Variants in ANK3 observed in about 807,000 individuals in gnomAD.
ANK3 encodes ankyrin-3.
In ANK3, 57 loss-of-function variants were observed where a neutral mutation model predicts 370.9. That is an observed-to-expected ratio of 0.15 (90% confidence interval 0.12 to 0.19). The LOEUF (loss-of-function observed/expected upper bound fraction) is 0.19, where lower values mean the gene tolerates loss of function less well. Ranked by LOEUF, ANK3 falls within the 10% of genes least tolerant of loss-of-function variation. ANK3 has a pLI of 1.00. For missense variants in ANK3, 4,439 were observed against 5,302.1 expected, an observed-to-expected ratio of 0.84 and a Z score of 5.06; for synonymous variants, 1,929 against 1,946.3, an observed-to-expected ratio of 0.99 and a Z score of 0.23.
At chr10:60,497,073 A>G (rs955794722) in intron 2 of ANK3, among the ~76,000 whole-genome samples, 4 of 152,174 alleles carry the variant, frequency 2.6e-5, no homozygotes, top group African/African-American at 9.7e-5. Flanking sequence ...AGGCTGAGAT[A>G]GGAGGGTCAC....
chr10:60,190,836 A>C (rs1254047210), intron 16 of ANK3, among the ~76,000 whole-genome samples: 1 of 152,230 alleles, frequency 6.6e-6, no homozygotes, highest in East Asian at 1.9e-4. Context: ...TTTAAATTAT[A>C]CTACAAGGCT....
At chr10:60,316,763 AT>A (rs1263502825) in intron 1 of ANK3, among the ~76,000 whole-genome samples, 1 of 150,030 alleles carries the variant, frequency 6.7e-6, no homozygotes, top group East Asian at 1.9e-4. Context: ...ATTTTTTTTT[AT>A]TGAGATGGAG....
At chr10:60,178,141 T>C (rs1041078846) in intron 18 of ANK3, among the ~76,000 whole-genome samples, 1 of 152,210 alleles carries the variant, frequency 6.6e-6, no homozygotes, top group Non-Finnish European at 1.5e-5. Flanking sequence ...CAGCTTAGCC[T>C]GGTACATTAA....
At chr10:60,305,682 G>T (rs549110638) in intron 1 of ANK3, among the ~76,000 whole-genome samples, 1 of 152,116 alleles carries the variant, frequency 6.6e-6, no homozygotes, top group Admixed American at 6.5e-5. Context: ...ACAATTATAC[G>T]AAATAAGAAG....
chr10:60,242,261 A>G (rs560734487), intron 7 of ANK3, among the ~76,000 whole-genome samples: 33 of 152,324 alleles, frequency 2.2e-4, no homozygotes, highest in African/African-American at 7.2e-4. Flanking sequence ...GAACAAACTA[A>G]GATCACTTAT....
chr10:60,091,527 G>A (rs1329816574), intron 28 of ANK3, among the ~76,000 whole-genome samples: 1 of 151,002 alleles, frequency 6.6e-6, no homozygotes, highest in African/African-American at 2.4e-5. Context: ...TGTGACCAGG[G>A]AGGGTGGGGG....
intron 7 of ANK3, among the ~76,000 whole-genome samples, chr10:60,239,214 A>G (rs1205016531): frequency 2.6e-5 from 4 of 152,204 alleles, no homozygotes; most frequent in African/African-American, 4.8e-5. Context: ...GACAGAAGAC[A>G]TACTTGAAGA....
chr10:60,061,731 G>C (rs1249588377), intron 40 of ANK3, among the ~76,000 whole-genome samples: 1 of 147,668 alleles, frequency 6.8e-6, no homozygotes, highest in Non-Finnish European at 1.5e-5. Context: ...ATCTTTTGTT[G>C]ACTTAAACTT....
intron 1 of ANK3, among the ~76,000 whole-genome samples, chr10:60,332,967 G>T (rs1484603504): frequency 6.6e-6 from 1 of 152,142 alleles, no homozygotes; most frequent in East Asian, 1.9e-4. Flanking sequence ...AGGCTAATTA[G>T]CAGGGTCTAT....
chr10:60,549,458 C>T (rs2077042432), intron 2 of ANK3, among the ~76,000 whole-genome samples: 2 of 152,080 alleles, frequency 1.3e-5, no homozygotes, highest in East Asian at 1.9e-4. Context: ...AACTAATGTG[C>T]GTGCTGTTTA....
At position 60,074,829 on chromosome 10, in the gene ANK3, C is replaced by G; in HGVS notation, c.6052G>C (p.Val2018Leu). ...QSPSLPERVQ[V>L]KAKAASEKDY... ...TTTTCGGAGGCGGCTTTTGCTTTTA[C>G]TTGCACTCTCTCTGGCAGAGATGGA... Residue 2018 changes from valine (V) to leucine (L), a missense_variant, in exon 37 of 44, where the codon GTA becomes CTA. Around this residue, in one of 13 missense-constraint regions of ANK3, gnomAD observed 679 missense variants for 791.0 expected, o/e 0.86. Coordinates refer to ENST00000280772, the MANE Select transcript of ANK3 (RefSeq NM_020987.5). 6.2e-7 allele frequency: 1 copy of G among 1,613,712 alleles called. No homozygotes were observed. Among genetic ancestry groups the G allele is most frequent in the Non-Finnish European group, 8.5e-7 (1 of 1,179,932 alleles).
In ANK3 at chr10:60,073,984, T is replaced by G; in HGVS notation, c.6897A>C (p.Ala2299=). ...ELAGLFEHKS[A]VSPDVHKSAA... is the part of the protein sequence containing the mutation. ...CAGACTTGTGAACATCTGGAGACAC[T>G]GCCGACTTATGTTCAAACAGACCTG... The change falls in exon 37 of 44, where the codon GCA becomes GCC. Residue 2299 remains alanine, a synonymous_variant. Transcript: ENST00000280772. The G allele has an allele frequency of 6.2e-7, 1 of 1,614,074 alleles. No individual in the cohort carries two copies. The highest frequency in any genetic ancestry group is 8.5e-7 in the Non-Finnish European group (1 of 1,179,984).
At chr10:60,362,106 ATC>A in intron 1 of ANK3, among the ~76,000 whole-genome samples, 1 of 152,260 alleles carries the variant, frequency 6.6e-6, no homozygotes, top group Admixed American at 6.5e-5. Flanking sequence ...CCCACAACAT[ATC>A]TATACTCTCA....
At position 60,199,989 on chromosome 10, in the gene ANK3, T is replaced by C; in HGVS notation, c.1491+140A>G. 4 of 630,244 alleles carry C rather than the reference T, an allele frequency of 6.3e-6. No individual in the cohort carries two copies. In the South Asian group the frequency reaches 8.0e-5, roughly 13 times the overall value. The allele number at this position is 630,244 out of a possible 1,614,324, so 39.0% of individuals were successfully genotyped here. ...GGGAAGGGATTTTTTACAATGTTAC[T>C]TGGGTAGGGACTTTTATCATTGGAG... On this transcript the variant is annotated intron_variant, in intron 13 of 43. Transcript: ENST00000280772.
chr10:60,344,195 T>C (rs1051608988), intron 1 of ANK3, among the ~76,000 whole-genome samples: 24 of 152,232 alleles, frequency 1.6e-4, no homozygotes, highest in African/African-American at 5.8e-4. Context: ...AAATCACCTG[T>C]GAACTAATTT....
intron 1 of ANK3, among the ~76,000 whole-genome samples, chr10:60,382,794 A>AAT (rs1249807913): frequency 2.6e-4 from 12 of 46,780 alleles, no homozygotes; most frequent in African/African-American, 8.7e-4. Flanking sequence ...CCTATACCTA[A>AAT]ATCTATATAT....
intron 28 of ANK3, among the ~76,000 whole-genome samples, chr10:60,097,760 G>A (rs1009797595): frequency 6.6e-6 from 1 of 152,158 alleles, no homozygotes; most frequent in Non-Finnish European, 1.5e-5. Flanking sequence ...TCTGTTTCCT[G>A]TATCAATTTA....
chr10:60,133,740 G>C (rs2094206862), intron 25 of ANK3, among the ~76,000 whole-genome samples: 1 of 152,106 alleles, frequency 6.6e-6, no homozygotes, highest in Non-Finnish European at 1.5e-5. Context: ...GGCCAACATG[G>C]TGAAACCCCG....
chr10:60,563,215 T>C (rs756515960), intron 2 of ANK3, among the ~76,000 whole-genome samples: 2 of 152,202 alleles, frequency 1.3e-5, no homozygotes, highest in Non-Finnish European at 2.9e-5. Context: ...AGTTTTCTGT[T>C]AGAGTGCTTC....
Sources: gnomAD v4.1 joint callset for allele counts (sites outside exome capture counted in the v4.1 genomes callset) on GRCh38, gnomAD v4.1.1 for gene constraint, gnomAD v4.1.1 regional missense constraint, MANE v1.5 for transcripts, NCBI Gene and HGNC (gene_info 2026-07-23, HGNC 2026-07-21) for gene names.